MYO16: variants seen among roughly 807,000 people sequenced by gnomAD.
MYO16 encodes the protein myosin XVI, also known as unconventional myosin-XVI.
MYO16 carries 94 observed loss-of-function variants against 205.3 expected under a neutral mutation model. That is an observed-to-expected ratio of 0.46 (90% confidence interval 0.39 to 0.54). The LOEUF (loss-of-function observed/expected upper bound fraction) is 0.54. Ranked by LOEUF, MYO16 falls within the 20% of genes least tolerant of loss-of-function variation. The pLI, the probability that MYO16 is intolerant of heterozygous loss-of-function variation, is 0.00. For synonymous variants in MYO16, 988 were observed against 954.0 expected, an observed-to-expected ratio of 1.04 and a Z score of -0.66; for missense variants, 2,315 against 2,387.5, an observed-to-expected ratio of 0.97 and a Z score of 0.63.
chr13:108,838,770 GCA>G (rs71125345), intron 9 of MYO16, among the ~76,000 whole-genome samples: 35 of 145,424 alleles, frequency 2.4e-4, no homozygotes, highest in African/African-American at 4.8e-4. Flanking sequence ...ACACACAAAT[GCA>G]CACACACACA....
intron 20 of MYO16, among the ~76,000 whole-genome samples, chr13:108,974,750 G>A (rs1884188632): frequency 6.6e-6 from 1 of 152,036 alleles, no homozygotes; most frequent in Non-Finnish European, 1.5e-5. Context: ...AGCATGTTAA[G>A]CCTATTTTAT....
At chr13:108,730,971 C>G (rs957328916) in intron 4 of MYO16, among the ~76,000 whole-genome samples, 2 of 152,134 alleles carry the variant, frequency 1.3e-5, no homozygotes, top group African/African-American at 4.8e-5. Flanking sequence ...GAATATTATA[C>G]TTGTTTAAAT....
the MYO16 span, among the ~76,000 whole-genome samples, chr13:108,553,583 T>G: frequency 6.6e-6 from 1 of 152,184 alleles, no homozygotes; most frequent in South Asian, 2.1e-4. Context: ...CAGCTTTGAG[T>G]GGAAATTTTA....
At chr13:108,678,280 C>T (rs1882316790) in intron 2 of MYO16, among the ~76,000 whole-genome samples, 1 of 152,162 alleles carries the variant, frequency 6.6e-6, no homozygotes, top group Admixed American at 6.6e-5. Flanking sequence ...TTAAAACTGC[C>T]CCACTGGAGC....
At chr13:109,099,810 G>A (rs1462631600) in intron 27 of MYO16, among the ~76,000 whole-genome samples, 2 of 152,122 alleles carry the variant, frequency 1.3e-5, no homozygotes, top group Non-Finnish European at 2.9e-5. Context: ...AGATGTGTAG[G>A]CAAAACACTC....
chr13:108,621,132 A>C (rs184462364), intron 1 of MYO16, among the ~76,000 whole-genome samples: 188 of 152,318 alleles, frequency 1.2e-3, no homozygotes, highest in African/African-American at 4.2e-3. Context: ...ATCTTCAGAA[A>C]CACACTGCAA....
intron 6 of MYO16, among the ~76,000 whole-genome samples, chr13:108,798,309 A>T (rs1463546815): frequency 6.6e-6 from 1 of 152,224 alleles, no homozygotes; most frequent in African/African-American, 2.4e-5. Context: ...AAATTTTCAC[A>T]GTGTTAAATT....
chr13:109,076,433 C>T (rs1566494278), intron 27 of MYO16, among the ~76,000 whole-genome samples: 1 of 152,132 alleles, frequency 6.6e-6, no homozygotes, highest in Non-Finnish European at 1.5e-5. Flanking sequence ...GGTGTGTTCA[C>T]CATGGCCTGG....
intron 1 of MYO16, among the ~76,000 whole-genome samples, chr13:108,600,236 A>G (rs1292780748): frequency 6.6e-6 from 1 of 152,196 alleles, no homozygotes; most frequent in Non-Finnish European, 1.5e-5. Context: ...TGATTATGTC[A>G]GACAAAACTG....
the MYO16 span, among the ~76,000 whole-genome samples, chr13:108,520,945 C>G: frequency 2.6e-5 from 4 of 152,176 alleles, no homozygotes; most frequent in African/African-American, 9.7e-5. Flanking sequence ...TTCCCATCTT[C>G]CACGTGTTCT....
intron 21 of MYO16, among the ~76,000 whole-genome samples, chr13:108,993,111 A>G (rs879273828): frequency 7.9e-5 from 12 of 152,134 alleles, no homozygotes; most frequent in Non-Finnish European, 1.6e-4. Context: ...ATAGAAAACC[A>G]AGCTACATTA....
intron 5 of MYO16, among the ~76,000 whole-genome samples, chr13:108,793,299 A>C (rs958676322): frequency 3.2e-5 from 2 of 62,732 alleles, no homozygotes; most frequent in East Asian, 1.5e-3. Context: ...AAAAAAAAAA[A>C]AAAAAACATA....
chr13:108,917,844 G>T (rs565862704), intron 16 of MYO16, among the ~76,000 whole-genome samples: 19 of 152,284 alleles, frequency 1.2e-4, no homozygotes, highest in South Asian at 1.2e-3. Flanking sequence ...TGGTTTTGTT[G>T]TCACCCTTGT....
chr13:109,023,250 A>T (rs1454139837), intron 23 of MYO16, among the ~76,000 whole-genome samples: 15 of 106,194 alleles, frequency 1.4e-4, no homozygotes, highest in African/African-American at 5.7e-4. Context: ...AAATATATAT[A>T]TTTATATATT....
intron 1 of MYO16, among the ~76,000 whole-genome samples, chr13:108,657,952 C>T (rs747975375): frequency 5.5e-4 from 83 of 152,278 alleles, no homozygotes; most frequent in Non-Finnish European, 1.1e-3. Context: ...ATTCTGCTGA[C>T]AAACTATACA....
chr13:108,922,916 C>T (rs1881812525), intron 16 of MYO16, among the ~76,000 whole-genome samples: 1 of 152,176 alleles, frequency 6.6e-6, no homozygotes, highest in South Asian at 2.1e-4. Context: ...TTATCTCCCC[C>T]TATCCACAGC....
At chr13:108,756,202 T>C (rs1229528648) in intron 4 of MYO16, among the ~76,000 whole-genome samples, 1 of 152,142 alleles carries the variant, frequency 6.6e-6, no homozygotes, top group African/African-American at 2.4e-5. Flanking sequence ...GATTTTCTTT[T>C]CTAGACTTAT....
intron 1 of MYO16, among the ~76,000 whole-genome samples, chr13:108,604,511 A>G (rs1878880603): frequency 6.6e-6 from 1 of 152,220 alleles, no homozygotes; most frequent in Non-Finnish European, 1.5e-5. Flanking sequence ...AGCACAAAAG[A>G]ACTAGCAGAA....
chr13:109,036,012 C>G (rs1443337428), intron 23 of MYO16, among the ~76,000 whole-genome samples: 1 of 152,200 alleles, frequency 6.6e-6, no homozygotes, highest in South Asian at 2.1e-4. Flanking sequence ...TTGACAGACA[C>G]TAAAATTATT....
Sources: gnomAD v4.1 joint callset for allele counts (sites outside exome capture counted in the v4.1 genomes callset) on GRCh38, gnomAD v4.1.1 for gene constraint, MANE v1.5 for transcripts, NCBI Gene and HGNC (gene_info 2026-07-23, HGNC 2026-07-21) for gene names.